TTC19: variants seen among roughly 807,000 people sequenced by gnomAD.
The protein encoded by TTC19 is tetratricopeptide repeat protein 19, mitochondrial.
Under a neutral mutation model 49.5 loss-of-function variants are expected in TTC19, and 38 were observed. That is an observed-to-expected ratio of 0.77 (90% CI 0.59 to 1.01). TTC19 has a LOEUF of 1.01. TTC19 is among the 50% of genes least tolerant of loss of function. TTC19 has a pLI of 0.00. For missense variants in TTC19, 475 were observed against 477.7 expected (o/e 0.99, Z 0.05); for synonymous variants, 204 against 185.2 (o/e 1.10, Z -0.83).
chr17:16,036,608 G>A (rs1220110172), intron 2 of TTC19, among the ~76,000 whole-genome samples: 4 of 152,208 alleles, frequency 2.6e-5, no homozygotes, highest in African/African-American at 9.7e-5. Flanking sequence ...ATCTTCATCA[G>A]CACTTTCTCC....
chr17:16,039,331 TA>T, intron 2 of TTC19: 1 of 1,149,864 alleles, frequency 8.7e-7, no homozygotes, highest in African/African-American at 1.5e-5. Flanking sequence ...TCTGAGCACA[TA>T]AAGACATAAA....
At chr17:16,004,333 T>C in intron 6 of TTC19, 71 bp downstream of exon 6, 1 of 1,407,354 alleles carries the variant, frequency 7.1e-7, no homozygotes, top group Non-Finnish European at 1.0e-6. Flanking sequence ...ATAATATTCA[T>C]TGTCTACTGG....
intron 2 of TTC19, chr17:16,040,346 T>C (rs2057332838): frequency 9.9e-7 from 1 of 1,008,074 alleles, no homozygotes; most frequent in African/African-American, 1.6e-5. Context: ...GAGCAGTCAC[T>C]CCCCTGGTAT....
chr17:16,032,302 A>G, downstream of TTC19: 1 of 1,611,640 alleles, frequency 6.2e-7, no homozygotes, highest in Non-Finnish European at 8.5e-7. Context: ...CAGTTCAGTC[A>G]TCACTATCCG....
intron 7 of TTC19, among the ~76,000 whole-genome samples, chr17:16,013,920 T>TTACC (rs1298170227): frequency 6.6e-6 from 1 of 152,210 alleles, no homozygotes; most frequent in Non-Finnish European, 1.5e-5. Context: ...TAAATTAGGT[T>TTACC]TAACAGTAAG....
At chr17:16,034,927 T>A in intron 2 of TTC19, 1 of 1,614,050 alleles carries the variant, frequency 6.2e-7, no homozygotes, top group Non-Finnish European at 8.5e-7. Context: ...CTGATCAGCT[T>A]TGGTTTGCAA....
At chr17:16,012,319 T>C (rs1051100675) in intron 7 of TTC19, among the ~76,000 whole-genome samples, 1 of 152,046 alleles carries the variant, frequency 6.6e-6, no homozygotes, top group South Asian at 2.1e-4. Context: ...CAAAACCCCA[T>C]GTTTACAAAA....
downstream of TTC19, chr17:16,031,474 G>T (rs77866703): frequency 8.0e-3 from 1,601 of 199,032 alleles, 6 homozygotes; most frequent in Non-Finnish European, 0.012. Context: ...AGGAGAAAAG[G>T]AATACTTAGG....
At position 16,004,245 on chromosome 17, in the gene TTC19, C is replaced by G. The variant is rs775424066; in HGVS notation, c.564C>G (p.Ile188Met). The G allele has an allele frequency of 2.0e-5, 32 of 1,614,086 alleles. No homozygotes were observed. In the South Asian group the frequency reaches 3.3e-4, roughly 17 times the overall value. Residue 188 changes from isoleucine (I) to methionine (M), a missense_variant, in exon 6 of 10, where the codon ATC (isoleucine) becomes ATG (methionine). Transcript: ENST00000261647. ...AAATTTCCCTAAAGCTGGCCAGTAT[C>G]TATGCTGCGCAGAACAGGTAAGTAC... ...IIEISLKLAS[I>M]YAAQNRQEFA...
intron 7 of TTC19, among the ~76,000 whole-genome samples, chr17:16,017,744 A>G (rs1243092782): frequency 6.6e-6 from 1 of 152,198 alleles, no homozygotes; most frequent in Non-Finnish European, 1.5e-5. Flanking sequence ...CTGGTTAAGA[A>G]GAGCGAAACT....
chr17:16,040,983 C>T (rs1373740956), intron 2 of TTC19: 1 of 157,594 alleles, frequency 6.3e-6, no homozygotes, highest in Non-Finnish European at 1.4e-5. Flanking sequence ...GAACAGGAAC[C>T]AAGGCTTTCT....
At chr17:16,026,215 T>C (rs1971552218) in intron 8 of TTC19, among the ~76,000 whole-genome samples, 1 of 152,192 alleles carries the variant, frequency 6.6e-6, no homozygotes, top group Admixed American at 6.5e-5. Context: ...TTGCTCAGCC[T>C]TAAAGGAGAT....
chr17:16,026,641 G>C lies in TTC19; in HGVS notation c.933G>C (p.Gln311His), dbSNP rs1386635514. The change falls in exon 9 of 10, where the codon CAG (glutamine) becomes CAC (histidine). Residue 311 changes from glutamine to histidine, a missense_variant. By Grantham distance (24) the Gln-to-His change is conservative. Transcript: ENST00000261647. ...AAAGGGCATCAGATCTGGCAAGACAGATAAATCATCCTGAGCTACACATGG... is the reference window on the plus strand; with the variant it reads ...AAAGGGCATCAGATCTGGCAAGACACATAAATCATCCTGAGCTACACATGG... The part of the protein sequence containing the change: ...YMQRASDLAR[Q>H]INHPELHMVL... 1 of 1,614,064 alleles carries C rather than the reference G, an allele frequency of 6.2e-7. No individual in the cohort carries two copies.
intron 2 of TTC19, among the ~76,000 whole-genome samples, chr17:16,044,118 G>A (rs1049407544): frequency 1.4e-4 from 20 of 140,044 alleles, no homozygotes; most frequent in Non-Finnish European, 2.0e-4. Flanking sequence ...GCGGTGAGCC[G>A]AGATCGTGCC....
intron 7 of TTC19, among the ~76,000 whole-genome samples, chr17:16,018,796 T>C (rs1035110833): frequency 1.3e-5 from 2 of 152,178 alleles, no homozygotes; most frequent in Non-Finnish European, 2.9e-5. Flanking sequence ...GCATGAGGCA[T>C]CACGCCTGGC....
intron 8 of TTC19, among the ~76,000 whole-genome samples, chr17:16,026,047 C>A (rs1191562824): frequency 1.3e-5 from 2 of 152,004 alleles, no homozygotes; most frequent in East Asian, 1.9e-4. Context: ...ACTGAAATTC[C>A]ATTTCAGTAG....
chr17:16,006,684 A>G (rs1970919187), intron 7 of TTC19, 116 bp downstream of exon 7: 4 of 723,926 alleles, frequency 5.5e-6, no homozygotes, highest in Non-Finnish European at 9.8e-6. Context: ...ATTTTGCAAA[A>G]TAAGTGTCTG....
intron 2 of TTC19, chr17:16,039,668 A>C (rs562623179): frequency 6.2e-7 from 1 of 1,605,498 alleles, no homozygotes; most frequent in Non-Finnish European, 8.5e-7. Context: ...AAAGAGAATC[A>C]AAAACATTTC....
rs754961402 is a variant in TTC19 at position 16,027,486 on chromosome 17, G to A, written c.1107G>A (p.Lys369=). ...GGGAAGAGTTGGCTGAGCTGTCAAA[G>A]AAAAGTAGACCTTTGACAAATTCTG... is the stretch of plus-strand genomic sequence containing the variant. ...HIREELAELS[K]KSRPLTNSVK... is the part of the protein sequence containing the mutation. Residue 369 remains lysine (K), a synonymous_variant, in exon 10 of 10, where the codon AAG becomes AAA. Transcript: ENST00000261647. 1 of 1,613,542 alleles carries A rather than the reference G, an allele frequency of 6.2e-7. No homozygotes were observed. The highest frequency in any genetic ancestry group is 1.1e-5 in the South Asian group (1 of 90,626).
Sources: allele counts gnomAD v4.1 joint callset (sites outside exome capture counted in the v4.1 genomes callset), GRCh38; gene constraint gnomAD v4.1.1; transcripts MANE v1.5; gene names NCBI Gene and HGNC (gene_info 2026-07-23, HGNC 2026-07-21).